COBL: variants seen among roughly 807,000 people sequenced by gnomAD.
COBL encodes cordon-bleu WH2 repeat protein, also known as protein cordon-bleu.
A neutral mutation model predicts 98.8 loss-of-function variants in COBL; 51 were observed. That is an observed-to-expected ratio of 0.52 (90% confidence interval 0.41 to 0.65). The LOEUF (loss-of-function observed/expected upper bound fraction) is 0.65, where lower values mean the gene tolerates loss of function less well. COBL is among the 30% of genes least tolerant of loss of function. COBL has a pLI of 0.00. For synonymous variants in COBL, 634 were observed against 651.7 expected, an observed-to-expected ratio of 0.97 and a Z score of 0.41; for missense variants, 1,617 against 1,617.5, an observed-to-expected ratio of 1.00 and a Z score of 0.01.
chr7:51,179,656 C>A (rs1584074473), intron 5 of COBL, among the ~76,000 whole-genome samples: 1 of 152,114 alleles, frequency 6.6e-6, no homozygotes, highest in Admixed American at 6.6e-5. Context: ...CCTAAAAGTT[C>A]TTTGTAAATG....
At chr7:51,307,466 GCCATCTCCTAT>G (rs1386404939) in intron 1 of COBL, among the ~76,000 whole-genome samples, 28 of 152,194 alleles carry the variant, frequency 1.8e-4, no homozygotes, top group African/African-American at 6.3e-4. Flanking sequence ...GCAGGTTCTG[GCCATCTCCTAT>G]CTCTGTCAGC....
intron 11 of COBL, among the ~76,000 whole-genome samples, chr7:51,025,979 G>C (rs911333035): frequency 6.6e-6 from 1 of 152,182 alleles, no homozygotes; most frequent in Admixed American, 6.5e-5. Context: ...TGGCATATAA[G>C]AATAGACATA....
intron 5 of COBL, among the ~76,000 whole-genome samples, chr7:51,157,228 C>T (rs1186175736): frequency 6.6e-6 from 1 of 152,160 alleles, no homozygotes; most frequent in Non-Finnish European, 1.5e-5. Context: ...AAAAAATTAG[C>T]CAGGCGTGGT....
At chr7:51,082,139 G>C (rs958968709) in intron 7 of COBL, among the ~76,000 whole-genome samples, 8 of 152,098 alleles carry the variant, frequency 5.3e-5, no homozygotes, top group African/African-American at 1.2e-4. Flanking sequence ...TTCCAAAGAA[G>C]ACAGAAAAAG....
At position 51,184,113 on chromosome 7, in the gene COBL, T is replaced by C; in HGVS notation, c.772A>G (p.Ser258Gly). ...ATTTAATCCATTACCTTACTATTGC[T>C]TCTTTTATTAACTTTGAAAAATCCC... ...FLGFFKVNKR[S>G]NSKGCLTTPN... The change falls in exon 5 of 13, where the codon AGC (serine) becomes GGC (glycine). Residue 258 changes from serine to glycine, a missense_variant. Coordinates refer to ENST00000265136, the MANE Select transcript of COBL (RefSeq NM_015198.5). The C allele has an allele frequency of 1.3e-6, 2 of 1,489,192 alleles. No homozygotes were observed. Among genetic ancestry groups the C allele is most frequent in the South Asian group, 2.5e-5 (2 of 80,134 alleles). 92.2% of individuals were successfully genotyped at this position (1,489,192 alleles called of 1,614,324 possible). A position where few individuals can be genotyped will look rare whatever the true frequency, so the allele number is the denominator to read the frequency against.
intron 8 of COBL, among the ~76,000 whole-genome samples, chr7:51,042,049 T>A (rs1178058782): frequency 6.6e-6 from 1 of 151,976 alleles, no homozygotes; most frequent in Non-Finnish European, 1.5e-5. Context: ...AAAAAATAGA[T>A]CCTTCTTCAT....
At chr7:51,089,408 G>A (rs776422952) in intron 6 of COBL, among the ~76,000 whole-genome samples, 15 of 152,130 alleles carry the variant, frequency 9.9e-5, no homozygotes, top group African/African-American at 3.6e-4. Flanking sequence ...CCAGCTACTC[G>A]GGAAGCTGAG....
chr7:51,029,356 C>T lies in COBL; in HGVS notation c.1740G>A (p.Ala580=), dbSNP rs746473868. 16 of 1,605,146 alleles carry T rather than the reference C, an allele frequency of 1.0e-5. No individual in the cohort carries two copies. Among genetic ancestry groups the T allele is most frequent in the East Asian group, 6.7e-5 (3 of 44,750 alleles). Residue 580 remains alanine (A), a synonymous_variant, in exon 10 of 13, where the codon GCG becomes GCA. Transcript: ENST00000265136. ...EGVASRRDSL[A]PLQAEHSQPH... is the part of the protein sequence containing the mutation. Reference sequence around the variant, plus strand: ...GCTGGCTGTGCTCAGCTTGAAGTGGCGCCAGGGAGTCTCTCCTGCTGGCAA... The same window carrying T: ...GCTGGCTGTGCTCAGCTTGAAGTGGTGCCAGGGAGTCTCTCCTGCTGGCAA...
At chr7:51,294,415 C>G (rs1262581090) in intron 1 of COBL, among the ~76,000 whole-genome samples, 2 of 150,752 alleles carry the variant, frequency 1.3e-5, no homozygotes, top group African/African-American at 4.9e-5. Context: ...GGTGGATCAC[C>G]TGAGCTCAGA....
intron 1 of COBL, among the ~76,000 whole-genome samples, chr7:51,240,995 C>G (rs1028461195): frequency 2.0e-5 from 3 of 152,180 alleles, no homozygotes; most frequent in Non-Finnish European, 4.4e-5. Flanking sequence ...GTGGGCCTTG[C>G]CACCCACCCA....
chr7:51,172,521 G>C (rs767038995), intron 5 of COBL: 1 of 1,287,790 alleles, frequency 7.8e-7, no homozygotes, highest in African/African-American at 1.5e-5. Flanking sequence ...GACAGCACGA[G>C]CTGCTCAGCC....
intron 7 of COBL, among the ~76,000 whole-genome samples, chr7:51,047,767 C>T (rs1328977681): frequency 1.3e-5 from 2 of 152,198 alleles, no homozygotes; most frequent in East Asian, 1.9e-4. Context: ...TCATCTTAAC[C>T]TGTGTTGACT....
At chr7:51,102,110 G>A (rs145519979) in intron 6 of COBL, among the ~76,000 whole-genome samples, 165 of 152,288 alleles carry the variant, frequency 1.1e-3, no homozygotes, top group Non-Finnish European at 1.8e-3. Context: ...CGCCATGATC[G>A]TGGACTTTCT....
At chr7:51,071,631 C>T (rs1792561549) in intron 7 of COBL, 1 of 152,184 alleles carries the variant, frequency 6.6e-6, no homozygotes, top group South Asian at 2.1e-4. Context: ...TTTGCTGCCT[C>T]TCGAACCAAT....
intron 1 of COBL, among the ~76,000 whole-genome samples, chr7:51,249,828 C>T (rs546038654): frequency 6.6e-6 from 1 of 152,106 alleles, no homozygotes; most frequent in Non-Finnish European, 1.5e-5. Context: ...TGAAGAAGAA[C>T]ATTTTTCAAA....
At chr7:51,024,535 C>T in intron 12 of COBL, among the ~76,000 whole-genome samples, 1 of 152,122 alleles carries the variant, frequency 6.6e-6, no homozygotes, top group East Asian at 1.9e-4. Flanking sequence ...CAGTAATGTG[C>T]AGACCAGCAC....
intron 6 of COBL, among the ~76,000 whole-genome samples, chr7:51,090,419 T>C (rs1310571142): frequency 6.6e-6 from 1 of 152,224 alleles, no homozygotes; most frequent in Non-Finnish European, 1.5e-5. Context: ...TCGCTCAGTG[T>C]CTGCAGGAGA....
At position 51,297,810 on chromosome 7, in the gene COBL, TA is replaced by T. The variant is rs548152114; in HGVS notation, c.41+18782del. Among the ~76,000 whole-genome samples the T allele has an allele frequency of 6.0e-4, 91 of 152,316 alleles. 1 individual carries two copies. In the East Asian group the frequency reaches 0.017, roughly 28 times the overall value. On this transcript the variant is annotated intron_variant, in intron 1 of 12. Coordinates refer to ENST00000265136, the MANE Select transcript of COBL (RefSeq NM_015198.5). ...GGTTTGTATCAGTGGGATTTGGTTA[TA>T]AAAAGTCTCCTCTTCAGAGGCCACT...
At chr7:51,297,634 C>G (rs1468128658) in intron 1 of COBL, among the ~76,000 whole-genome samples, 2 of 152,080 alleles carry the variant, frequency 1.3e-5, no homozygotes, top group Non-Finnish European at 2.9e-5. Context: ...CTCAGGTGAT[C>G]TGCCCGCCTC....
Sources: gnomAD v4.1 joint callset for allele counts (sites outside exome capture counted in the v4.1 genomes callset) on GRCh38, gnomAD v4.1.1 for gene constraint, MANE v1.5 for transcripts, NCBI Gene and HGNC (gene_info 2026-07-23, HGNC 2026-07-21) for gene names.